The following NRAP variants were observed in gnomAD, a reference collection of about 807,000 sequenced individuals.
NRAP encodes the protein nebulin-related-anchoring protein.
Under a neutral mutation model 225.9 loss-of-function variants are expected in NRAP, and 189 were observed. The ratio of observed to expected loss-of-function variants is 0.84; its 90% CI spans 0.74 to 0.94. NRAP has a LOEUF of 0.94. Ranked by LOEUF, NRAP falls within the 40% of genes least tolerant of loss-of-function variation. The probability of loss-of-function intolerance (pLI) is 0.00; values close to 1 mark genes in which losing one functional copy is unlikely to be tolerated. For missense variants in NRAP, 2,176 were observed against 2,168.7 expected, an observed-to-expected ratio of 1.00 and a Z score of -0.07; for synonymous variants, 769 against 790.7, an observed-to-expected ratio of 0.97 and a Z score of 0.46.
At position 113,614,952 on chromosome 10, in the gene NRAP, G is replaced by A. The variant is rs763650627; in HGVS notation, c.3079-6C>T. On this transcript the variant is annotated splice_region_variant and splice_polypyrimidine_tract_variant and intron_variant, in intron 27 of 41. Coordinates refer to ENST00000359988, the MANE Select transcript of NRAP (RefSeq NM_198060.4). ...CAGGATTCCTTATAACGCGTCTGTCGGGAAGATGTGCACAAGGAAAGACCT... is the reference window on the plus strand; with the variant it reads ...CAGGATTCCTTATAACGCGTCTGTCAGGAAGATGTGCACAAGGAAAGACCT... 1.7e-5 allele frequency: 26 copies of A among 1,527,810 alleles called. No individual in the cohort carries two copies. The highest frequency in any genetic ancestry group is 9.0e-5 in the East Asian group (4 of 44,592). The allele number at this position is 1,527,810 out of a possible 1,614,324, so 94.6% of individuals were successfully genotyped here.
intron 33 of NRAP, 146 bp downstream of exon 33, chr10:113,606,032 G>T: frequency 2.6e-6 from 2 of 775,086 alleles, no homozygotes; most frequent in Non-Finnish European, 4.5e-6. Context: ...TCATATTTGT[G>T]AGAAGGTGTA....
intron 3 of NRAP, among the ~76,000 whole-genome samples, chr10:113,657,776 C>T (rs946092148): frequency 6.6e-6 from 1 of 152,188 alleles, no homozygotes; most frequent in African/African-American, 2.4e-5. Context: ...AGAGCACCTG[C>T]TGTGTGTGAA....
chr10:113,598,111 G>T, intron 35 of NRAP, 38 bp from the exon 36 acceptor site: 1 of 1,218,772 alleles, frequency 8.2e-7, no homozygotes, highest in Non-Finnish European at 1.2e-6. Flanking sequence ...TCAGGAGAGT[G>T]CTTAAGACTA....
chr10:113,660,133 C>T (rs1564767430), intron 3 of NRAP, among the ~76,000 whole-genome samples: 1 of 151,392 alleles, frequency 6.6e-6, no homozygotes, highest in Non-Finnish European at 1.5e-5. Flanking sequence ...ACCATACATA[C>T]ATATATACAC....
Position 113,608,467 on chromosome 10 carries a change from T to C in NRAP, c.3649A>G (p.Thr1217Ala), listed in dbSNP as rs374505165. The C allele has an allele frequency of 3.1e-6, 5 of 1,613,690 alleles. No individual in the cohort carries two copies. In the African/African-American group the frequency reaches 6.7e-5, roughly 22 times the overall value. The change falls in exon 32 of 42, where the codon ACA (threonine) becomes GCA (alanine). Residue 1217 changes from threonine to alanine, a missense_variant. By Grantham distance (58) the Thr-to-Ala change is moderately conservative (BLOSUM62 0). Around this residue, in one of 3 missense-constraint regions of NRAP, gnomAD observed 1,708 missense variants for 1,695.5 expected, o/e 1.01. Transcript: ENST00000359988. ...HPHSFKYTAV[T>A]DTPNLLHAKF... The stretch of plus-strand genomic sequence containing the variant: ...GCATGAAGGAGGTTGGGAGTGTCTG[T>C]CACAGCTGTGTACTTGAATGAGTGG...
At chr10:113,589,887 A>C (rs1845850958) in intron 40 of NRAP, 90 bp from the exon 41 acceptor site, 1 of 1,398,958 alleles carries the variant, frequency 7.1e-7, no homozygotes, top group African/African-American at 1.4e-5. Flanking sequence ...AGGCAGCCAC[A>C]GTATGAGACT....
chr10:113,612,108 A>C, intron 30 of NRAP, 126 bp downstream of exon 30: 1 of 710,814 alleles, frequency 1.4e-6, no homozygotes. Context: ...CTGGGTTTCA[A>C]AATAAGACTT....
chr10:113,628,581 T>C (rs1848409493), intron 20 of NRAP, among the ~76,000 whole-genome samples: 1 of 152,228 alleles, frequency 6.6e-6, no homozygotes, highest in Non-Finnish European at 1.5e-5. Context: ...CTCCAAATAC[T>C]GGACTTTCTG....
At chr10:113,619,053 T>C (rs2133969872) in intron 25 of NRAP, among the ~76,000 whole-genome samples, 1 of 152,322 alleles carries the variant, frequency 6.6e-6, no homozygotes, top group Middle Eastern at 3.4e-3. Context: ...ATGCCTTGCC[T>C]TACTTACTAA....
At position 113,589,666 on chromosome 10, in the gene NRAP, G is replaced by A. The variant is rs113590679; in HGVS notation, c.5088C>T (p.Tyr1696=). 264 of 1,613,558 alleles carry A rather than the reference G, an allele frequency of 1.6e-4. 1 individual carries two copies. The highest frequency in any genetic ancestry group is 6.6e-4 in the Middle Eastern group (4 of 6,040). ...GGTGGCTTTGCAGCTTGCTACTCAC[G>A]TAAGCTCCCTGGAGACCCAGGCCCC... is the stretch of plus-strand genomic sequence containing the variant. ...NARGLGLQGA[Y]RGAEAVEAGD... is the part of the protein sequence containing the mutation. Residue 1696 remains tyrosine (Y), a splice_region_variant and synonymous_variant, in exon 41 of 42, where the codon TAC becomes TAT. Transcript: ENST00000359988.
chr10:113,631,659 G>A lies in NRAP; in HGVS notation c.1741-49C>T, dbSNP rs139329659. 370 of 1,251,098 alleles carry A rather than the reference G, an allele frequency of 3.0e-4. 2 individuals carry two copies. The highest frequency in any genetic ancestry group is 2.7e-3 in the African/African-American group (179 of 66,982). 77.5% of individuals were successfully genotyped at this position (1,251,098 alleles called of 1,614,324 possible). A position where few individuals can be genotyped will look rare whatever the true frequency, so the allele number is the denominator to read the frequency against. On this transcript the variant is annotated intron_variant, in intron 17 of 41. Coordinates refer to ENST00000359988, the MANE Select transcript of NRAP (RefSeq NM_198060.4). ...CTGTGAGTGAGAGAGAAACTTTGCCGTCTAAGGGGCTCTGGTTTTAACAAG... is the reference window on the plus strand; with the variant it reads ...CTGTGAGTGAGAGAGAAACTTTGCCATCTAAGGGGCTCTGGTTTTAACAAG...
chr10:113,634,407 AG>A (rs758009947), intron 14 of NRAP, among the ~76,000 whole-genome samples, 197 bp from the exon 15 acceptor site: 20 of 152,336 alleles, frequency 1.3e-4, no homozygotes, highest in Non-Finnish European at 2.9e-4. Flanking sequence ...GACATCTAAC[AG>A]GCAACTCATA....
intron 21 of NRAP, 28 bp downstream of exon 21, chr10:113,626,019 G>C (rs767554896): frequency 2.0e-6 from 3 of 1,518,880 alleles, no homozygotes; most frequent in Admixed American, 3.6e-5. Context: ...ACAGCAGCTT[G>C]GTGGAGAAAG....
chr10:113,624,789 G>A, intron 22 of NRAP, 37 bp downstream of exon 22: 4 of 1,472,780 alleles, frequency 2.7e-6, no homozygotes, highest in South Asian at 1.1e-5. Context: ...ACACAAAGGG[G>A]AGCAGAGTTC....
rs1304121622 is a variant in NRAP at position 113,631,856 on chromosome 10, C to G, written c.1740+1G>C. 1.1e-5 allele frequency: 17 copies of G among 1,589,762 alleles called. No homozygotes were observed. The highest frequency in any genetic ancestry group is 1.3e-5 in the African/African-American group (1 of 74,446). ...TCCTGAGTTAATGAGAGGAAACGTA[C>G]ATTGCTAGCAAGCTCCCCAGAGGCT... On this transcript the variant is annotated splice_donor_variant, in intron 17 of 41. Coordinates refer to ENST00000359988, the MANE Select transcript of NRAP (RefSeq NM_198060.4). LOFTEE classifies it high-confidence loss of function.
In NRAP at chr10:113,647,022, G is replaced by T; in HGVS notation, c.894C>A (p.Tyr298Ter). The T allele has an allele frequency of 6.2e-7, 1 of 1,612,486 alleles. No individual in the cohort carries two copies. The highest frequency in any genetic ancestry group is 8.5e-7 in the Non-Finnish European group (1 of 1,178,564). Residue 298 changes from tyrosine to a stop codon, truncating the protein, a stop_gained, in exon 10 of 42, where the codon TAC becomes TAA. Coordinates refer to ENST00000359988, the MANE Select transcript of NRAP (RefSeq NM_198060.4). LOFTEE classifies it high-confidence loss of function. ...RECADQYGQG[Y>*]PEEYEEHRGK... is the part of the protein sequence containing the mutation. The stretch of plus-strand genomic sequence containing the variant: ...CCCTGTGCTCCTCATACTCCTCCGG[G>T]TAACCCTGCCGGGTGCATCAAAAAC...
In NRAP at chr10:113,628,925, C is replaced by T. The variant is rs776662143; in HGVS notation, c.2137G>A (p.Val713Ile). The T allele has an allele frequency of 5.6e-6, 9 of 1,603,294 alleles. No individual in the cohort carries two copies. Among genetic ancestry groups the T allele is most frequent in the Admixed American group, 1.7e-5 (1 of 59,088 alleles). Residue 713 changes from valine to isoleucine, a missense_variant, in exon 20 of 42, where the codon GTC (valine) becomes ATC (isoleucine). Val to Ile is a conservative substitution (Grantham distance 29, BLOSUM62 3). Transcript: ENST00000359988. Reference sequence around the variant, plus strand: ...GCCCCAGTGCAGGTTACCTCGCTGACCAGCTGTCCAGCCTTCTTGGCTTGT... The same window carrying T: ...GCCCCAGTGCAGGTTACCTCGCTGATCAGCTGTCCAGCCTTCTTGGCTTGT... ...LEQAKKAGQL[V>I]SEKNYRQRVD...
intron 35 of NRAP, among the ~76,000 whole-genome samples, chr10:113,599,898 G>C (rs375622278): frequency 6.6e-6 from 1 of 152,242 alleles, no homozygotes; most frequent in South Asian, 2.1e-4. Flanking sequence ...AGACCTCTTC[G>C]GATTCACACA....
intron 40 of NRAP, among the ~76,000 whole-genome samples, chr10:113,590,150 G>A (rs1415972374): frequency 6.6e-6 from 1 of 152,180 alleles, no homozygotes; most frequent in Non-Finnish European, 1.5e-5. Flanking sequence ...AAGTGCAAAG[G>A]CTGGGTTAAT....
Sources: gnomAD v4.1 joint callset for allele counts (sites outside exome capture counted in the v4.1 genomes callset) on GRCh38, gnomAD v4.1.1 for gene constraint, gnomAD v4.1.1 regional missense constraint, MANE v1.5 for transcripts, NCBI Gene and HGNC (gene_info 2026-07-23, HGNC 2026-07-21) for gene names.